GLI3: variants seen among roughly 807,000 people sequenced by gnomAD.
The protein encoded by GLI3 is GLI family zinc finger 3, also known as transcription activator GLI3.
In GLI3, 20 loss-of-function variants were observed where a neutral mutation model predicts 100.8. The ratio of observed to expected loss-of-function variants is 0.20; its 90% confidence interval spans 0.14 to 0.29. GLI3 has a LOEUF of 0.29. Ranked by LOEUF, GLI3 falls within the 10% of genes least tolerant of loss-of-function variation. The pLI is 1.00. For missense variants in GLI3, 2,040 were observed against 2,128.5 expected, an observed-to-expected ratio of 0.96 and a Z score of 0.82; for synonymous variants, 938 against 860.5, an observed-to-expected ratio of 1.09 and a Z score of -1.58.
At position 42,046,810 on chromosome 7, in the gene GLI3, A is replaced by C. The variant is rs112171631; in HGVS notation, c.680-1280T>G. ...GATGATTCTCCAGTTCTTCAAGTGC[A>C]AAATAAAATCTGAAGCAGAAAATCT... On this transcript the variant is annotated intron_variant, in intron 5 of 14. Coordinates refer to ENST00000395925, the MANE Select transcript of GLI3 (RefSeq NM_000168.6). 6.2e-4 allele frequency among the ~76,000 whole-genome samples: 94 copies of C among 152,330 alleles called. 1 individual carries two copies. The highest frequency in any genetic ancestry group is 2.1e-3 in the African/African-American group (87 of 41,576).
intron 2 of GLI3, among the ~76,000 whole-genome samples, chr7:42,165,961 A>C (rs1787233130): frequency 6.6e-6 from 1 of 152,182 alleles, no homozygotes; most frequent in South Asian, 2.1e-4. Context: ...GATTAGTGAA[A>C]ATGGAAGCAA....
chr7:41,976,066 A>G (rs916819666), intron 12 of GLI3, among the ~76,000 whole-genome samples: 74 of 152,228 alleles, frequency 4.9e-4, no homozygotes, highest in African/African-American at 1.7e-3. Flanking sequence ...CACCCCAACA[A>G]AAAAACCTTG....
chr7:42,245,215 C>T (rs944359386), intron 1 of GLI3, among the ~76,000 whole-genome samples: 2 of 151,954 alleles, frequency 1.3e-5, no homozygotes, highest in Non-Finnish European at 2.9e-5. Flanking sequence ...AGTGTGGAAG[C>T]TCCCTGGCCC....
chr7:42,168,148 T>A (rs927199634), intron 2 of GLI3, among the ~76,000 whole-genome samples: 3 of 152,218 alleles, frequency 2.0e-5, no homozygotes, highest in Non-Finnish European at 4.4e-5. Flanking sequence ...AATGATAGCC[T>A]GGTCTTAAGC....
chr7:41,993,369 C>A (rs995381011), intron 10 of GLI3, among the ~76,000 whole-genome samples: 1 of 152,140 alleles, frequency 6.6e-6, no homozygotes, highest in Non-Finnish European at 1.5e-5. Flanking sequence ...TCTTCAAATG[C>A]CACCTCCTTA....
chr7:42,258,526 C>A (rs561991521), intron 1 of GLI3, among the ~76,000 whole-genome samples: 1 of 152,192 alleles, frequency 6.6e-6, no homozygotes, highest in African/African-American at 2.4e-5. Context: ...TTTTCCTATA[C>A]ATGATTAAGA....
At chr7:42,222,845 A>G in intron 2 of GLI3, 1 of 392,728 alleles carries the variant, frequency 2.5e-6, no homozygotes, top group Non-Finnish European at 4.9e-6. Context: ...CAGACTAGTC[A>G]AGATGATTTC....
intron 2 of GLI3, among the ~76,000 whole-genome samples, chr7:42,208,609 T>C (rs1266527177): frequency 6.6e-6 from 1 of 152,234 alleles, no homozygotes; most frequent in Admixed American, 6.5e-5. Context: ...CTTGGTTTTG[T>C]TTCTTTTTTC....
intron 3 of GLI3, among the ~76,000 whole-genome samples, chr7:42,082,598 C>T (rs1583540906): frequency 6.6e-6 from 1 of 152,116 alleles, no homozygotes; most frequent in Admixed American, 6.6e-5. Context: ...TCATGGAGCA[C>T]TAGGAATCTT....
chr7:42,053,446 G>A (rs1456297462), intron 4 of GLI3, among the ~76,000 whole-genome samples: 2 of 152,198 alleles, frequency 1.3e-5, no homozygotes, highest in Non-Finnish European at 2.9e-5. Context: ...AAGAGGACAG[G>A]GGAGGTATGG....
chr7:42,260,161 T>A (rs12334058), intron 1 of GLI3, among the ~76,000 whole-genome samples: 18,128 of 152,090 alleles, frequency 0.12, 2,484 homozygotes, highest in African/African-American at 0.34. Flanking sequence ...CTAGAGCATC[T>A]CTAGAGCATA....
intron 1 of GLI3, among the ~76,000 whole-genome samples, chr7:42,262,615 T>C (rs1789157633): frequency 6.6e-6 from 1 of 152,164 alleles, no homozygotes; most frequent in African/African-American, 2.4e-5. Flanking sequence ...GGGCAGACTC[T>C]CTCACTGGTT....
intron 1 of GLI3, among the ~76,000 whole-genome samples, chr7:42,263,085 A>G (rs577394156): frequency 4.0e-4 from 61 of 152,198 alleles, no homozygotes; most frequent in Non-Finnish European, 7.2e-4. Context: ...GCCACGTGCC[A>G]TCGCCATGGT....
chr7:41,990,202 T>C (rs898989858), intron 10 of GLI3, among the ~76,000 whole-genome samples: 2 of 151,850 alleles, frequency 1.3e-5, no homozygotes, highest in Admixed American at 6.6e-5. Flanking sequence ...GTCTCCTTGA[T>C]TACAAAGGTA....
At chr7:42,020,905 A>G (rs1374818224) in intron 10 of GLI3, among the ~76,000 whole-genome samples, 1 of 150,086 alleles carries the variant, frequency 6.7e-6, no homozygotes, top group Non-Finnish European at 1.5e-5. Context: ...AAAAAAAAAA[A>G]AAAAAAAAAA....
At chr7:42,222,390 A>G (rs1030055911) in intron 2 of GLI3, among the ~76,000 whole-genome samples, 4 of 152,278 alleles carry the variant, frequency 2.6e-5, no homozygotes, top group African/African-American at 9.6e-5. Context: ...ACAAAAAGGA[A>G]AGGCATTAGT....
chr7:42,172,194 A>G (rs150418405), intron 2 of GLI3, among the ~76,000 whole-genome samples: 1 of 152,014 alleles, frequency 6.6e-6, no homozygotes, highest in Non-Finnish European at 1.5e-5. Context: ...AGTTCTCTTC[A>G]TAAGAGAAGT....
At chr7:42,100,239 C>A (rs1785430141) in intron 3 of GLI3, among the ~76,000 whole-genome samples, 2 of 152,338 alleles carry the variant, frequency 1.3e-5, no homozygotes, top group East Asian at 3.9e-4. Flanking sequence ...CAGCATGTGG[C>A]CACCTTCTAT....
At chr7:42,131,897 A>G (rs1046128878) in intron 3 of GLI3, among the ~76,000 whole-genome samples, 3 of 152,316 alleles carry the variant, frequency 2.0e-5, no homozygotes, top group Non-Finnish European at 2.9e-5. Flanking sequence ...AATATATTGC[A>G]TAAGAAATAT....
Sources: allele counts gnomAD v4.1 joint callset (sites outside exome capture counted in the v4.1 genomes callset), GRCh38; gene constraint gnomAD v4.1.1; transcripts MANE v1.5; gene names NCBI Gene and HGNC (gene_info 2026-07-23, HGNC 2026-07-21).